Variants in NPFFR2 observed in about 807,000 individuals in gnomAD.
The protein encoded by NPFFR2 is neuropeptide FF receptor 2.
Under a neutral mutation model 13.1 loss-of-function variants are expected in NPFFR2, and 15 were observed. That is an observed-to-expected ratio of 1.15 (90% confidence interval 0.77 to 1.76). The LOEUF is 1.76. Ranked by LOEUF, NPFFR2 falls within the 40% of genes most tolerant of loss-of-function variation. NPFFR2 has a pLI of 0.00. For synonymous variants in NPFFR2, 190 were observed against 175.7 expected, an observed-to-expected ratio of 1.08 and a Z score of -0.65; for missense variants, 572 against 503.5, an observed-to-expected ratio of 1.14 and a Z score of -1.30.
At position 72,032,091 on chromosome 4, in the gene NPFFR2, A is replaced by T. The variant is rs757006167; in HGVS notation, c.-117A>T. 6.2e-7 allele frequency: 1 copy of T among 1,614,050 alleles called. No individual in the cohort carries two copies. Among genetic ancestry groups the T allele is most frequent in the Non-Finnish European group, 8.5e-7 (1 of 1,179,970 alleles). ...GGGGGACAGACGTCGGCTGGGATTG[A>T]GCCGGCAGACTGCGAAAAGTAGCTG... On this transcript the variant is annotated 5_prime_UTR_variant, in exon 1 of 4. Coordinates refer to ENST00000308744, the MANE Select transcript of NPFFR2 (RefSeq NM_004885.3).
At chr4:72,109,596 A>G (rs1329615688) in intron 1 of NPFFR2, among the ~76,000 whole-genome samples, 2 of 152,030 alleles carry the variant, frequency 1.3e-5, no homozygotes, top group African/African-American at 4.8e-5. Context: ...TGGAAATCTG[A>G]CTAAAGCATC....
At chr4:72,094,951 G>C (rs1456018250) in intron 1 of NPFFR2, among the ~76,000 whole-genome samples, 1 of 152,098 alleles carries the variant, frequency 6.6e-6, no homozygotes, top group Non-Finnish European at 1.5e-5. Flanking sequence ...CCTCCTATCT[G>C]CCGTTTTCCA....
intron 1 of NPFFR2, among the ~76,000 whole-genome samples, chr4:72,074,394 G>A (rs1720364993): frequency 6.6e-6 from 1 of 152,010 alleles, no homozygotes; most frequent in Admixed American, 6.6e-5. Flanking sequence ...AATATTTTGA[G>A]GAAGAAACAC....
At chr4:72,049,945 A>G (rs961326457) in intron 1 of NPFFR2, among the ~76,000 whole-genome samples, 1 of 152,018 alleles carries the variant, frequency 6.6e-6, no homozygotes, top group Non-Finnish European at 1.5e-5. Context: ...CAACGAAGTG[A>G]CTTGTGGAAA....
intron 1 of NPFFR2, among the ~76,000 whole-genome samples, chr4:72,114,770 G>A (rs1316950024): frequency 6.6e-6 from 1 of 152,098 alleles, no homozygotes; most frequent in African/African-American, 2.4e-5. Flanking sequence ...TTATGTGTCA[G>A]AATAATTAGA....
intron 3 of NPFFR2, among the ~76,000 whole-genome samples, chr4:72,144,731 C>G (rs1722726045): frequency 6.6e-6 from 1 of 152,054 alleles, no homozygotes; most frequent in African/African-American, 2.4e-5. Flanking sequence ...TTTTCATGCT[C>G]CCCAAATCAG....
At chr4:72,082,198 C>T (rs1416895534) in intron 1 of NPFFR2, among the ~76,000 whole-genome samples, 1 of 152,184 alleles carries the variant, frequency 6.6e-6, no homozygotes, top group African/African-American at 2.4e-5. Context: ...CCAGATAATA[C>T]ATATGGAACC....
intron 1 of NPFFR2, among the ~76,000 whole-genome samples, chr4:72,063,266 C>G (rs544074259): frequency 1.3e-5 from 2 of 152,170 alleles, no homozygotes; most frequent in East Asian, 3.9e-4. Context: ...AGAATTTATT[C>G]ATTGGCAAAA....
chr4:72,061,093 G>A (rs956599598), intron 1 of NPFFR2, among the ~76,000 whole-genome samples: 5 of 152,094 alleles, frequency 3.3e-5, no homozygotes, highest in African/African-American at 9.7e-5. Context: ...GTAGGTTTTA[G>A]AAATCTCTAT....
chr4:72,050,490 C>G (rs1719511726), intron 1 of NPFFR2, among the ~76,000 whole-genome samples: 1 of 151,874 alleles, frequency 6.6e-6, no homozygotes, highest in Non-Finnish European at 1.5e-5. Flanking sequence ...TTAAGAATGA[C>G]AAAACAGACT....
At chr4:72,033,062 A>G (rs1243979726) in intron 1 of NPFFR2, among the ~76,000 whole-genome samples, 19 of 152,196 alleles carry the variant, frequency 1.2e-4, no homozygotes, top group Admixed American at 1.2e-3. Context: ...TTCTAATTCC[A>G]TTCACATCCA....
At chr4:72,073,609 T>TTA (rs1334449892) in intron 1 of NPFFR2, among the ~76,000 whole-genome samples, 1 of 152,092 alleles carries the variant, frequency 6.6e-6, no homozygotes, top group African/African-American at 2.4e-5. Flanking sequence ...AAAGTTAGTA[T>TTA]TATAACTTTA....
At chr4:72,065,125 A>G (rs967402119) in intron 1 of NPFFR2, among the ~76,000 whole-genome samples, 5 of 152,124 alleles carry the variant, frequency 3.3e-5, no homozygotes, top group East Asian at 1.9e-4. Flanking sequence ...GACAAAGGCA[A>G]TTTTCACAAA....
intron 1 of NPFFR2, among the ~76,000 whole-genome samples, chr4:72,107,394 G>A (rs114854572): frequency 0.018 from 2,676 of 151,214 alleles, 87 homozygotes; most frequent in African/African-American, 0.062. Context: ...ATTCCCGGCT[G>A]TGTTGCTGAC....
At chr4:72,135,838 G>A (rs916045901) in intron 2 of NPFFR2, among the ~76,000 whole-genome samples, 1 of 151,180 alleles carries the variant, frequency 6.6e-6, no homozygotes, top group African/African-American at 2.4e-5. Context: ...TAGTTAATAT[G>A]GGTACATATG....
intron 1 of NPFFR2, among the ~76,000 whole-genome samples, chr4:72,072,338 A>T (rs1434067584): frequency 6.6e-6 from 1 of 152,124 alleles, no homozygotes; most frequent in African/African-American, 2.4e-5. Flanking sequence ...AAGTCAATGT[A>T]TGAAAAAAAT....
At chr4:72,042,421 T>C (rs1309195982) in intron 1 of NPFFR2, among the ~76,000 whole-genome samples, 1 of 152,166 alleles carries the variant, frequency 6.6e-6, no homozygotes, top group Non-Finnish European at 1.5e-5. Flanking sequence ...GCTATAAGGA[T>C]AGCCAAAAAT....
chr4:72,042,709 T>C (rs577478279), intron 1 of NPFFR2, among the ~76,000 whole-genome samples: 1 of 152,140 alleles, frequency 6.6e-6, no homozygotes, highest in Non-Finnish European at 1.5e-5. Context: ...TGTGGAACAC[T>C]CAACTTGAGA....
chr4:72,054,386 G>A (rs1024912314), intron 1 of NPFFR2, among the ~76,000 whole-genome samples: 1 of 151,920 alleles, frequency 6.6e-6, no homozygotes, highest in Admixed American at 6.6e-5. Flanking sequence ...ATTAGAAAAG[G>A]TTAATCTTTT....
Sources: gnomAD v4.1 joint callset for allele counts (sites outside exome capture counted in the v4.1 genomes callset) on GRCh38, gnomAD v4.1.1 for gene constraint, MANE v1.5 for transcripts, NCBI Gene and HGNC (gene_info 2026-07-23, HGNC 2026-07-21) for gene names.